Variants in C16orf46 observed in about 807,000 individuals in gnomAD.
C16orf46 encodes the protein uncharacterized protein C16orf46.
Under a neutral mutation model 5.5 loss-of-function variants are expected in C16orf46, and 7 were observed. That is an observed-to-expected ratio of 1.28 (90% CI 0.73 to 2.40). The LOEUF is 2.40. C16orf46 is among the 30% of genes most tolerant of loss of function. The pLI, the probability that C16orf46 is intolerant of heterozygous loss-of-function variation, is 0.00. For synonymous variants in C16orf46, 200 were observed against 184.1 expected, an observed-to-expected ratio of 1.09 and a Z score of -0.70; for missense variants, 614 against 476.0, an observed-to-expected ratio of 1.29 and a Z score of -2.70.
In C16orf46 at chr16:81,063,530, T is replaced by C. The variant is rs145179592; in HGVS notation, c.210+216A>G. ...GTTAGATGAATTAATGTATCCAAAG[T>C]ACTTAGTACTGTGCTGTCCACATAC... On this transcript the variant is annotated intron_variant, in intron 3 of 3. Coordinates refer to ENST00000299578, the MANE Select transcript of C16orf46 (RefSeq NM_152337.3). 2.2e-3 allele frequency among the ~76,000 whole-genome samples: 328 copies of C among 152,354 alleles called. 5 individuals are homozygous for C. The highest frequency in any genetic ancestry group is 7.3e-3 in the African/African-American group (304 of 41,586).
At chr16:81,056,667 G>A (rs575000969), downstream of C16orf46, among the ~76,000 whole-genome samples, 2 of 132,224 alleles carry the variant, frequency 1.5e-5, no homozygotes, top group South Asian at 2.4e-4. Context: ...CAGCACTCCA[G>A]CCTGGGTAAC....
At position 81,063,871 on chromosome 16, in the gene C16orf46, A is replaced by G. The variant is rs1311239095; in HGVS notation, c.85T>C (p.Tyr29His). The G allele has an allele frequency of 6.2e-7, 1 of 1,613,680 alleles. No homozygotes were observed. Among genetic ancestry groups the G allele is most frequent in the Non-Finnish European group, 8.5e-7 (1 of 1,179,680 alleles). The change falls in exon 3 of 4, where the codon TAT (tyrosine) becomes CAT (histidine). Residue 29 changes from tyrosine (Y) to histidine (H), a missense_variant. Tyr to His is a moderately conservative substitution (Grantham distance 83). Transcript: ENST00000299578. ...IQFTEETEPT[Y>H]TCPDGKSEKN... ...TCACTTTTTCCATCTGGACAAGTATAGGTTGGTTCTGTTTCTTCTGTGAAC... is the reference window on the plus strand; with the variant it reads ...TCACTTTTTCCATCTGGACAAGTATGGGTTGGTTCTGTTTCTTCTGTGAAC...
chr16:81,064,746 CAAAAA>C (rs35014883), intron 2 of C16orf46, among the ~76,000 whole-genome samples: 4 of 122,250 alleles, frequency 3.3e-5, no homozygotes, highest in Admixed American at 8.2e-5. Context: ...GACTCTGTCT[CAAAAA>C]AAAAAAAAAA....
In C16orf46 at chr16:81,063,931, T is replaced by C; in HGVS notation, c.25A>G (p.Thr9Ala). The C allele has an allele frequency of 6.2e-7, 1 of 1,613,068 alleles. No homozygotes were observed. Among genetic ancestry groups the C allele is most frequent in the Non-Finnish European group, 8.5e-7 (1 of 1,179,458 alleles). Residue 9 changes from threonine to alanine, a missense_variant, in exon 3 of 4, where the codon ACT (threonine) becomes GCT (alanine). Thr to Ala is a moderately conservative substitution (Grantham distance 58, BLOSUM62 0). Transcript: ENST00000299578. ...TTATTTTCAGCATTTTCTAAGTCAG[T>C]CTCATTTTTCTGACAGAGATCCATT... Reference protein sequence around the residue: MDLCQKNETDLENAENNEI... With the variant: MDLCQKNEADLENAENNEI...
chr16:81,063,633 T>C, intron 3 of C16orf46, 113 bp downstream of exon 3: 1 of 854,452 alleles, frequency 1.2e-6, no homozygotes, highest in Non-Finnish European at 1.8e-6. Context: ...GGTTTCTACA[T>C]GTCATTGATT....
chr16:81,064,867 CA>C (rs1235552178), intron 2 of C16orf46, among the ~76,000 whole-genome samples: 3 of 152,142 alleles, frequency 2.0e-5, no homozygotes, highest in African/African-American at 7.2e-5. Flanking sequence ...CAAACCCTGC[CA>C]AAACTTTGAT....
At chr16:81,065,129 G>T (rs1216886507) in intron 2 of C16orf46, among the ~76,000 whole-genome samples, 1 of 152,140 alleles carries the variant, frequency 6.6e-6, no homozygotes, top group African/African-American at 2.4e-5. Context: ...TACCGGCTGT[G>T]TCCCTTGAGC....
intron 1 of C16orf46, among the ~76,000 whole-genome samples, chr16:81,066,826 A>G (rs938746264): frequency 1.3e-5 from 2 of 152,212 alleles, no homozygotes; most frequent in African/African-American, 2.4e-5. Context: ...ATCAAAGTCC[A>G]TACAAACGTT....
downstream of C16orf46, among the ~76,000 whole-genome samples, chr16:81,059,320 C>CAAAAAAAAA (rs71143671): frequency 6.4e-5 from 3 of 46,628 alleles, no homozygotes; most frequent in African/African-American, 1.9e-4. Context: ...GACTCTGTCT[C>CAAAAAAAAA]AAAAAAAAAA....
intron 1 of C16orf46, among the ~76,000 whole-genome samples, chr16:81,070,104 G>A (rs1971796596): frequency 6.6e-6 from 1 of 151,554 alleles, no homozygotes; most frequent in South Asian, 2.1e-4. Context: ...CAGTCTAGGC[G>A]ACAGAGTGAG....
In C16orf46 at chr16:81,063,960, G is replaced by C. The variant is rs1438064044; in HGVS notation, c.-5C>G. The C allele has an allele frequency of 6.3e-7, 1 of 1,599,332 alleles. No individual in the cohort carries two copies. Among genetic ancestry groups the C allele is most frequent in the Non-Finnish European group, 8.5e-7 (1 of 1,171,140 alleles). ...ATTTTTCTGACAGAGATCCATTACT[G>C]TGATGCTTGCTTAAAGTTTTTAACA... On this transcript the variant is annotated 5_prime_UTR_variant, in exon 3 of 4. Transcript: ENST00000299578.
rs766062970 is a variant in C16orf46, at chr16:81,061,515, C to T, written c.834G>A (p.Thr278=). The part of the protein sequence containing the change: ...ELAKHPMVND[T]PSSPSPAAQI... ...GGGCCGCTGGGGAAGGGGAGGATGG[C>T]GTGTCGTTGACCATAGGGTGTTTGG... The change falls in exon 4 of 4, where the codon ACG becomes ACA. Residue 278 remains threonine, a synonymous_variant. Coordinates refer to ENST00000299578, the MANE Select transcript of C16orf46 (RefSeq NM_152337.3). The T allele has an allele frequency of 1.1e-5, 17 of 1,613,986 alleles. No homozygotes were observed. The highest frequency in any genetic ancestry group is 3.3e-5 in the Admixed American group (2 of 59,988).
chr16:81,058,060 A>AAAACC (rs56659153), downstream of C16orf46: 12,449 of 171,354 alleles, frequency 0.073, 551 homozygotes, highest in East Asian at 0.19. Flanking sequence ...AAAACAAAAC[A>AAAACC]AAACCTGAAA....
exon 4 of C16orf46, chr16:81,053,974 T>A: frequency 7.7e-7 from 1 of 1,299,762 alleles, no homozygotes; most frequent in African/African-American, 1.5e-5. Flanking sequence ...TTTCTGGTGA[T>A]CCGCCGCTTT....
intron 1 of C16orf46, among the ~76,000 whole-genome samples, chr16:81,072,572 T>C (rs896221241): frequency 3.3e-5 from 5 of 151,908 alleles, no homozygotes; most frequent in Admixed American, 6.6e-5. Context: ...TTAGTAGAGA[T>C]GGAGTTTCTT....
At position 81,061,626 on chromosome 16, in the gene C16orf46, C is replaced by T. The variant is rs140831378; in HGVS notation, c.723G>A (p.Leu241=). 1.2e-6 allele frequency: 2 copies of T among 1,614,236 alleles called. No homozygotes were observed. Among genetic ancestry groups the T allele is most frequent in the African/African-American group, 2.7e-5 (2 of 75,062 alleles). The change falls in exon 4 of 4, where the codon CTG becomes CTA. Residue 241 remains leucine, a synonymous_variant. Coordinates refer to ENST00000299578, the MANE Select transcript of C16orf46 (RefSeq NM_152337.3). ...CCACACACCCATCCTTTTCCACATCCAGCACCTTCTCTTCTGACTGCAAGA... is the reference window on the plus strand; with the variant it reads ...CCACACACCCATCCTTTTCCACATCTAGCACCTTCTCTTCTGACTGCAAGA... The part of the protein sequence containing the change: ...NSFLQSEEKV[L]DVEKDGCVAY...
chr16:81,066,083 T>C (rs1417231730), intron 2 of C16orf46, 110 bp downstream of exon 2: 1 of 151,848 alleles, frequency 6.6e-6, no homozygotes, highest in Non-Finnish European at 1.5e-5. Context: ...TTTACTTATG[T>C]AATGAGGGTT....
chr16:81,075,823 G>A (rs1972019988), intron 1 of C16orf46, among the ~76,000 whole-genome samples: 1 of 152,130 alleles, frequency 6.6e-6, no homozygotes, highest in Non-Finnish European at 1.5e-5. Flanking sequence ...ATCCATTAAG[G>A]GCAGGGGAAT....
chr16:81,074,868 T>C (rs1265709333), intron 1 of C16orf46, among the ~76,000 whole-genome samples: 3 of 152,232 alleles, frequency 2.0e-5, no homozygotes, highest in Non-Finnish European at 4.4e-5. Context: ...ATCAGATCCT[T>C]GTAAAATTTC....
Sources: allele counts gnomAD v4.1 joint callset (sites outside exome capture counted in the v4.1 genomes callset), GRCh38; gene constraint gnomAD v4.1.1; transcripts MANE v1.5; gene names NCBI Gene and HGNC (gene_info 2026-07-23, HGNC 2026-07-21).